Variants in ESCO2 observed in about 807,000 individuals in gnomAD.
ESCO2 encodes the protein establishment of sister chromatid cohesion N-acetyltransferase 2.
ESCO2 carries 51 observed loss-of-function variants against 61.7 expected under a neutral mutation model. The ratio of observed to expected loss-of-function variants is 0.83; its 90% CI spans 0.66 to 1.04. The LOEUF (loss-of-function observed/expected upper bound fraction) is 1.04. Ranked by LOEUF, ESCO2 falls within the 50% of genes least tolerant of loss-of-function variation. The probability of loss-of-function intolerance (pLI) is 0.00; values close to 1 mark genes in which losing one functional copy is unlikely to be tolerated. For missense variants in ESCO2, 692 were observed against 686.2 expected, an observed-to-expected ratio of 1.01 and a Z score of -0.09; for synonymous variants, 230 against 238.2, an observed-to-expected ratio of 0.97 and a Z score of 0.32.
intron 9 of ESCO2, among the ~76,000 whole-genome samples, chr8:27,794,382 CTGTT>C (rs1805248968): frequency 6.6e-6 from 1 of 152,134 alleles, no homozygotes; most frequent in African/African-American, 2.4e-5. Context: ...TTTCATATGT[CTGTT>C]CCTGATTTGT....
At chr8:27,799,366 G>GT (rs1175871542) in intron 9 of ESCO2, among the ~76,000 whole-genome samples, 175 bp from the exon 10 acceptor site, 1 of 152,082 alleles carries the variant, frequency 6.6e-6, no homozygotes, top group East Asian at 1.9e-4. Context: ...AACACCACTA[G>GT]TTTTTTTAAA....
downstream of ESCO2, among the ~76,000 whole-genome samples, chr8:27,810,792 T>C (rs540907134): frequency 1.4e-4 from 21 of 152,322 alleles, no homozygotes; most frequent in South Asian, 1.7e-3. Context: ...CTGGATAGCC[T>C]CAATTTTTCT....
chr8:27,795,539 G>C (rs1287998216), intron 9 of ESCO2, among the ~76,000 whole-genome samples: 5 of 152,084 alleles, frequency 3.3e-5, no homozygotes, highest in Admixed American at 2.6e-4. Context: ...AGGAATTCCA[G>C]AACTATGTAG....
At position 27,799,636 on chromosome 8, in the gene ESCO2, A is replaced by C. The variant is rs1451610987; in HGVS notation, c.1593A>C (p.Ala531=). The C allele has an allele frequency of 2.5e-6, 4 of 1,613,916 alleles. No individual in the cohort carries two copies. The highest frequency in any genetic ancestry group is 3.3e-5 in the Admixed American group (2 of 59,960). Residue 531 remains alanine (A), a synonymous_variant, in exon 10 of 11, where the codon GCA becomes GCC. Coordinates refer to ENST00000305188, the MANE Select transcript of ESCO2 (RefSeq NM_001017420.3). The part of the protein sequence containing the change: ...AWQCSDVPEP[A]VCGISRIWVF... ...AATGTTCAGATGTACCAGAACCTGCAGTCTGTGGGATAAGTAGAATCTGGG... is the reference window on the plus strand; with the variant it reads ...AATGTTCAGATGTACCAGAACCTGCCGTCTGTGGGATAAGTAGAATCTGGG...
chr8:27,787,056 A>G lies in ESCO2; in HGVS notation c.1014-829A>G, dbSNP rs542088455. Among the ~76,000 whole-genome samples the G allele has an allele frequency of 5.9e-5, 9 of 151,960 alleles. No individual in the cohort carries two copies. The East Asian group carries it at 1.7e-3, about 29-fold the overall frequency. On this transcript the variant is annotated intron_variant, in intron 5 of 10. Coordinates refer to ENST00000305188, the MANE Select transcript of ESCO2 (RefSeq NM_001017420.3). ...AGGGCATGTGCTATTCCAAGTTCGA[A>G]CTCATAGATTCTTTGATGGAGTAGA... is the stretch of plus-strand genomic sequence containing the variant.
intron 9 of ESCO2, among the ~76,000 whole-genome samples, chr8:27,798,162 TTAAAAAC>T (rs1805343941): frequency 6.6e-6 from 1 of 152,112 alleles, no homozygotes; most frequent in South Asian, 2.1e-4. Flanking sequence ...TGAAGTTTCT[TTAAAAAC>T]TAAACATAGG....
In ESCO2 at chr8:27,791,989, A is replaced by G; in HGVS notation, c.1290A>G (p.Ala430=). Residue 430 remains alanine (A), a synonymous_variant, in exon 8 of 11, where the codon GCA becomes GCG. Coordinates refer to ENST00000305188, the MANE Select transcript of ESCO2 (RefSeq NM_001017420.3). ...GTTGGAAGAAAGAACGTGTAGTAGC[A>G]GAGTTTTGGGATGGGAAAATCGTGT... ...YVGWKKERVV[A]EFWDGKIVLV... is the part of the protein sequence containing the mutation. 6.2e-7 allele frequency: 1 copy of G among 1,614,108 alleles called. No homozygotes were observed. Among genetic ancestry groups the G allele is most frequent in the Non-Finnish European group, 8.5e-7 (1 of 1,180,004 alleles).
At position 27,792,602 on chromosome 8, in the gene ESCO2, T is replaced by C. The variant is rs1294344896; in HGVS notation, c.1354-66T>C. 4 of 1,478,472 alleles carry C rather than the reference T, an allele frequency of 2.7e-6. No individual in the cohort carries two copies. The Admixed American group carries it at 7.4e-5, about 27-fold the overall frequency. The allele number at this position is 1,478,472 out of a possible 1,614,324, so 91.6% of individuals were successfully genotyped here. ...ACAGTAATCATACATTCTGTGTATA[T>C]AAATATGTATAGTTTCTATTGTACT... On this transcript the variant is annotated intron_variant, in intron 8 of 10. Coordinates refer to ENST00000305188, the MANE Select transcript of ESCO2 (RefSeq NM_001017420.3).
In ESCO2 at chr8:27,780,253, G is replaced by A; in HGVS notation, c.941G>A (p.Gly314Asp). 6.2e-7 allele frequency: 1 copy of A among 1,604,442 alleles called. No homozygotes were observed. The highest frequency in any genetic ancestry group is 8.5e-7 in the Non-Finnish European group (1 of 1,171,610). The change falls in exon 4 of 11, where the codon GGT becomes GAT. Residue 314 changes from glycine (G) to aspartate (D), a missense_variant. Transcript: ENST00000305188. ...GCTTTTTCTTCAGAGGATTCTCTTG[G>A]TGAGAATAAGACAAGTAAGAGAAAA... ...NEAFSSEDSL[G>D]ENKTISPKST...
In ESCO2 at chr8:27,776,461, A is replaced by G. The variant is rs776560182; in HGVS notation, c.153A>G (p.Gln51=). The G allele has an allele frequency of 3.1e-6, 5 of 1,611,692 alleles. No homozygotes were observed. The highest frequency in any genetic ancestry group is 1.1e-5 in the South Asian group (1 of 90,190). Residue 51 remains glutamine (Q), a synonymous_variant, in exon 3 of 11, where the codon CAA becomes CAG. Transcript: ENST00000305188. The stretch of plus-strand genomic sequence containing the variant: ...ATGAAGAAAACCTGCATTGCTCTCA[A>G]CAAGAGCATTTTGTTTTAAGTGCGC... ...DKNEENLHCS[Q]QEHFVLSALK...
At chr8:27,810,618 C>T, downstream of ESCO2, 3 of 631,148 alleles carry the variant, frequency 4.8e-6, no homozygotes, top group Non-Finnish European at 8.3e-6. Context: ...TTCCATTCTG[C>T]CACAGACAGA....
intron 10 of ESCO2, among the ~76,000 whole-genome samples, chr8:27,800,686 AGT>A (rs1805403922): frequency 6.6e-6 from 1 of 152,222 alleles, no homozygotes; most frequent in Admixed American, 6.5e-5. Flanking sequence ...AAGCCAAAAA[AGT>A]GTAAATAATC....
chr8:27,815,696 G>A (rs1314237340), downstream of ESCO2, among the ~76,000 whole-genome samples: 3 of 152,136 alleles, frequency 2.0e-5, no homozygotes, highest in Non-Finnish European at 4.4e-5. Context: ...TAGAACTCTG[G>A]GTCTAAAATA....
Position 27,788,909 on chromosome 8 carries a change from T to C in ESCO2, c.1194T>C (p.Ala398=), listed in dbSNP as rs1805110882. The C allele has an allele frequency of 6.2e-7, 1 of 1,614,014 alleles. No individual in the cohort carries two copies. The highest frequency in any genetic ancestry group is 8.5e-7 in the Non-Finnish European group (1 of 1,180,016). ...VCKSCGMIYT[A]SNPEDEMQHV... is the part of the protein sequence containing the mutation. ...AGTCTTGTGGTATGATATATACTGC[T>C]TCCAACCCTGAAGATGAAATGCAGC... The change falls in exon 7 of 11, where the codon GCT becomes GCC. Residue 398 remains alanine (A), a synonymous_variant. Transcript: ENST00000305188.
At position 27,776,915 on chromosome 8, in the gene ESCO2, G is replaced by GT. The variant is rs2128951232; in HGVS notation, c.609dup (p.Thr204TyrfsTer11). ...TCTGAGCCAAAAAATAAAACCACAA[G>GT]TTACACTCCAGGGTGGAGCAGCATT... On this transcript the variant is annotated frameshift_variant, in exon 3 of 11. Transcript: ENST00000305188. LOFTEE classifies it high-confidence loss of function. 2 of 1,614,080 alleles carry GT rather than the reference G, an allele frequency of 1.2e-6. No individual in the cohort carries two copies. Among genetic ancestry groups the GT allele is most frequent in the Non-Finnish European group, 1.7e-6 (2 of 1,180,024 alleles).
At chr8:27,772,894 C>T (rs1157356107), upstream of ESCO2, among the ~76,000 whole-genome samples, 1 of 152,092 alleles carries the variant, frequency 6.6e-6, no homozygotes, top group Non-Finnish European at 1.5e-5. Flanking sequence ...TTAATGGGCG[C>T]CAAGGGTTTA....
chr8:27,803,454 T>C lies in ESCO2; in HGVS notation c.*16T>C, dbSNP rs766717693. 3 of 1,611,986 alleles carry C rather than the reference T, an allele frequency of 1.9e-6. No individual in the cohort carries two copies. In the South Asian group the frequency reaches 3.3e-5, roughly 18 times the overall value. The stretch of plus-strand genomic sequence containing the variant: ...TAATAGTTAAAGCTGATTTCAGTTA[T>C]AAAGGAGTTACTATCTGGATAAGTT... On this transcript the variant is annotated 3_prime_UTR_variant, in exon 11 of 11. Coordinates refer to ENST00000305188, the MANE Select transcript of ESCO2 (RefSeq NM_001017420.3).
rs763544947 is a variant in ESCO2 at position 27,776,888 on chromosome 8, G to A, written c.580G>A (p.Val194Ile). Residue 194 changes from valine to isoleucine, a missense_variant, in exon 3 of 11, where the codon GTT becomes ATT. Val to Ile is a conservative substitution (Grantham distance 29). Coordinates refer to ENST00000305188, the MANE Select transcript of ESCO2 (RefSeq NM_001017420.3). ...TGAAAATAATTCCAATGCTCCTCGGGTTCTGAGCCAAAAAATAAAACCACA... is the reference window on the plus strand; with the variant it reads ...TGAAAATAATTCCAATGCTCCTCGGATTCTGAGCCAAAAAATAAAACCACA... ...SAENNSNAPR[V>I]LSQKIKPQVT... 2 of 1,614,108 alleles carry A rather than the reference G, an allele frequency of 1.2e-6. No homozygotes were observed. The highest frequency in any genetic ancestry group is 2.7e-5 in the African/African-American group (2 of 75,028).
At chr8:27,819,582 C>T in the ESCO2 span, among the ~76,000 whole-genome samples, 1 of 151,944 alleles carries the variant, frequency 6.6e-6, no homozygotes, top group Admixed American at 6.5e-5. Context: ...TTAGACTATT[C>T]ATACTTTTTA....
Sources: allele counts gnomAD v4.1 joint callset (sites outside exome capture counted in the v4.1 genomes callset), GRCh38; gene constraint gnomAD v4.1.1; transcripts MANE v1.5; gene names NCBI Gene and HGNC (gene_info 2026-07-23, HGNC 2026-07-21).